GPC5: variants seen among roughly 807,000 people sequenced by gnomAD.
GPC5 encodes glypican-5.
In GPC5, 47 loss-of-function variants were observed where a neutral mutation model predicts 53.9. That is an observed-to-expected ratio of 0.87 (90% CI 0.69 to 1.11). The LOEUF is 1.11. Ranked by LOEUF, GPC5 falls within the 50% of genes most tolerant of loss-of-function variation. The pLI, the probability that GPC5 is intolerant of heterozygous loss-of-function variation, is 0.00. For synonymous variants in GPC5, 286 were observed against 263.3 expected (o/e 1.09, Z -0.84); for missense variants, 748 against 713.1 (o/e 1.05, Z -0.56).
intron 4 of GPC5, among the ~76,000 whole-genome samples, chr13:91,740,429 A>T (rs1206280486): frequency 2.0e-5 from 3 of 152,078 alleles, no homozygotes; most frequent in Non-Finnish European, 4.4e-5. Context: ...AAATTTCCTT[A>T]TTCCTGGATA....
intron 7 of GPC5, among the ~76,000 whole-genome samples, chr13:92,651,200 T>A (rs775169202): frequency 6.6e-6 from 1 of 151,220 alleles, no homozygotes; most frequent in African/African-American, 2.5e-5. Context: ...CTATTAGTTC[T>A]ATCCGTCTAA....
chr13:92,813,581 A>T (rs916102053), intron 7 of GPC5, among the ~76,000 whole-genome samples: 1 of 152,044 alleles, frequency 6.6e-6, no homozygotes, highest in Non-Finnish European at 1.5e-5. Flanking sequence ...AATTCAGTTA[A>T]CAAAATGGTA....
At position 92,297,884 on chromosome 13, in the gene GPC5, C is replaced by T. The variant is rs35696886; in HGVS notation, c.1561+152895C>T. Among the ~76,000 whole-genome samples, 734 of 152,142 alleles carry T rather than the reference C, an allele frequency of 4.8e-3. 11 individuals are homozygous for T. The highest frequency in any genetic ancestry group is 0.012 in the East Asian group (60 of 5,156). Reference sequence around the variant, plus strand: ...CTTTTATGAGCTGTAACACTCACCGCGAAGATCTGCAGCTTCACTCCTGAG... The same window carrying T: ...CTTTTATGAGCTGTAACACTCACCGTGAAGATCTGCAGCTTCACTCCTGAG... On this transcript the variant is annotated intron_variant, in intron 7 of 7. Coordinates refer to ENST00000377067, the MANE Select transcript of GPC5 (RefSeq NM_004466.6).
intron 7 of GPC5, among the ~76,000 whole-genome samples, chr13:92,737,766 C>CTTTTT (rs33914729): frequency 4.9e-5 from 5 of 102,130 alleles, no homozygotes; most frequent in African/African-American, 7.7e-5. Context: ...TTTTCTTTTT[C>CTTTTT]TTTTTTTTTT....
At chr13:91,559,566 T>C (rs1485277570) in intron 2 of GPC5, among the ~76,000 whole-genome samples, 1 of 152,176 alleles carries the variant, frequency 6.6e-6, no homozygotes, top group African/African-American at 2.4e-5. Flanking sequence ...GGTTACTAAT[T>C]GGGAAAGAAT....
At chr13:91,667,123 T>C (rs2035133479) in intron 2 of GPC5, among the ~76,000 whole-genome samples, 1 of 152,236 alleles carries the variant, frequency 6.6e-6, no homozygotes, top group South Asian at 2.1e-4. Context: ...GGTGGAATTT[T>C]ATCAACTGTC....
rs150101602 is a variant in GPC5 at position 92,455,564 on chromosome 13, T to C, written c.1561+310575T>C. Among the ~76,000 whole-genome samples the C allele has an allele frequency of 5.9e-3, 906 of 152,288 alleles. 10 individuals carry two copies. Among genetic ancestry groups the C allele is most frequent in the African/African-American group, 0.021 (857 of 41,550 alleles). ...AATGTATACTATGAATAGATTTTGA[T>C]GGAGTAAGACATAGGAAAGATGACA... is the stretch of plus-strand genomic sequence containing the variant. On this transcript the variant is annotated intron_variant, in intron 7 of 7. Coordinates refer to ENST00000377067, the MANE Select transcript of GPC5 (RefSeq NM_004466.6).
chr13:92,658,316 G>A (rs1486006069), intron 7 of GPC5, among the ~76,000 whole-genome samples: 2 of 152,136 alleles, frequency 1.3e-5, no homozygotes, highest in African/African-American at 4.8e-5. Flanking sequence ...CAATCATTAT[G>A]AAGCGCAAGA....
chr13:91,482,177 T>C (rs1295236121), intron 2 of GPC5, among the ~76,000 whole-genome samples: 1 of 152,142 alleles, frequency 6.6e-6, no homozygotes, highest in African/African-American at 2.4e-5. Context: ...AAGAAGTATT[T>C]AGGCCATGAG....
In GPC5 at chr13:92,079,579, G is replaced by C. The variant is rs574697266; in HGVS notation, c.1402-65251G>C. 1.4e-3 allele frequency among the ~76,000 whole-genome samples: 217 copies of C among 152,280 alleles called. 1 individual carries two copies. Among genetic ancestry groups the C allele is most frequent in the South Asian group, 6.2e-3 (30 of 4,818 alleles). ...ATTAACTCAGTGTCTGCCATGCCAG[G>C]CTCCTTCTTTCCTTACTTCGACAAC... On this transcript the variant is annotated intron_variant, in intron 6 of 7. Coordinates refer to ENST00000377067, the MANE Select transcript of GPC5 (RefSeq NM_004466.6).
At chr13:92,717,997 G>A (rs1000558794) in intron 7 of GPC5, among the ~76,000 whole-genome samples, 4 of 151,594 alleles carry the variant, frequency 2.6e-5, no homozygotes, top group African/African-American at 4.8e-5. Flanking sequence ...AAACTACAAT[G>A]AGATATCATC....
chr13:91,495,493 A>G (rs1884202275), intron 2 of GPC5, among the ~76,000 whole-genome samples: 1 of 152,084 alleles, frequency 6.6e-6, no homozygotes, highest in Admixed American at 6.5e-5. Context: ...TGTCATCCAT[A>G]ACTCCTCTTC....
At chr13:92,532,996 CA>C (rs1169949744) in intron 7 of GPC5, among the ~76,000 whole-genome samples, 1 of 152,034 alleles carries the variant, frequency 6.6e-6, no homozygotes, top group Non-Finnish European at 1.5e-5. Context: ...TTCTATATGA[CA>C]GTCTCATTTT....
chr13:92,254,402 A>T (rs539028435), intron 7 of GPC5, among the ~76,000 whole-genome samples: 1 of 152,110 alleles, frequency 6.6e-6, no homozygotes, highest in African/African-American at 2.4e-5. Flanking sequence ...GTTTGTATAG[A>T]TTCACATTAA....
At chr13:92,211,829 A>C (rs1388760452) in intron 7 of GPC5, among the ~76,000 whole-genome samples, 1 of 152,198 alleles carries the variant, frequency 6.6e-6, no homozygotes, top group African/African-American at 2.4e-5. Flanking sequence ...GATGTGAGAA[A>C]GGTTTCGTCT....
At chr13:91,825,024 A>T (rs1244543903) in intron 5 of GPC5, among the ~76,000 whole-genome samples, 1 of 152,060 alleles carries the variant, frequency 6.6e-6, no homozygotes, top group Non-Finnish European at 1.5e-5. Flanking sequence ...AAAGCCTGTG[A>T]TCTCAACCAT....
chr13:92,120,273 T>A (rs1256686288), intron 6 of GPC5, among the ~76,000 whole-genome samples: 1 of 152,198 alleles, frequency 6.6e-6, no homozygotes, highest in Non-Finnish European at 1.5e-5. Context: ...TTAATGACTA[T>A]CTTTGTGTTT....
intron 7 of GPC5, among the ~76,000 whole-genome samples, chr13:92,350,624 T>C (rs2043468352): frequency 6.6e-6 from 1 of 152,106 alleles, no homozygotes; most frequent in African/African-American, 2.4e-5. Flanking sequence ...CACAGCATGG[T>C]GAATATAGTT....
intron 7 of GPC5, among the ~76,000 whole-genome samples, chr13:92,151,785 A>G (rs1450187419): frequency 6.6e-6 from 1 of 152,228 alleles, no homozygotes; most frequent in Non-Finnish European, 1.5e-5. Context: ...ACAATCCCCT[A>G]TATCACATTA....
Sources: allele counts gnomAD v4.1 joint callset (sites outside exome capture counted in the v4.1 genomes callset), GRCh38; gene constraint gnomAD v4.1.1; transcripts MANE v1.5; gene names NCBI Gene and HGNC (gene_info 2026-07-23, HGNC 2026-07-21).